The following MRTFB variants were observed in gnomAD, a reference collection of about 807,000 sequenced individuals.
MRTFB encodes the protein myocardin related transcription factor B.
MRTFB carries 29 observed loss-of-function variants against 104.2 expected under a neutral mutation model. The ratio of observed to expected loss-of-function variants is 0.28; its 90% CI spans 0.21 to 0.38. The LOEUF (loss-of-function observed/expected upper bound fraction) is 0.38, where lower values mean the gene tolerates loss of function less well. MRTFB is among the 10% of genes least tolerant of loss of function. The pLI, the probability that MRTFB is intolerant of heterozygous loss-of-function variation, is 1.00. For synonymous variants in MRTFB, 535 were observed against 519.5 expected, an observed-to-expected ratio of 1.03 and a Z score of -0.41; for missense variants, 1,270 against 1,341.6, an observed-to-expected ratio of 0.95 and a Z score of 0.83.
chr16:14,242,074 C>T (rs1370488492), intron 10 of MRTFB, among the ~76,000 whole-genome samples: 1 of 151,992 alleles, frequency 6.6e-6, no homozygotes, highest in East Asian at 1.9e-4. Flanking sequence ...GCATCATCCT[C>T]ATCCTCGCCT....
chr16:14,116,864 C>G (rs1286315060), intron 2 of MRTFB, among the ~76,000 whole-genome samples: 1 of 152,078 alleles, frequency 6.6e-6, no homozygotes, highest in Non-Finnish European at 1.5e-5. Flanking sequence ...AAGGAAGACT[C>G]TTTGAGGAAG....
chr16:14,227,873 A>G (rs1346384942), intron 8 of MRTFB, among the ~76,000 whole-genome samples: 1 of 152,048 alleles, frequency 6.6e-6, no homozygotes, highest in Non-Finnish European at 1.5e-5. Context: ...GTACAAAAAG[A>G]ACTCCCACAA....
At chr16:14,186,905 G>A in intron 3 of MRTFB, 3 of 1,598,140 alleles carry the variant, frequency 1.9e-6, no homozygotes, top group South Asian at 1.1e-5. Flanking sequence ...GTCTTCAGAA[G>A]CCTCTCACCA....
chr16:14,071,649 T>C (rs541035478), intron 1 of MRTFB, among the ~76,000 whole-genome samples: 391 of 152,100 alleles, frequency 2.6e-3, no homozygotes, highest in African/African-American at 8.7e-3. Context: ...GAGTTGGCCC[T>C]GCTGACAGTG....
At chr16:14,143,125 C>G (rs1186717357) in intron 3 of MRTFB, 2 of 144,364 alleles carry the variant, frequency 1.4e-5, no homozygotes, top group Admixed American at 7.0e-5. Flanking sequence ...GTTACAGCAG[C>G]TTTGTAACAT....
At chr16:14,085,457 C>CAAAA (rs386384321) in intron 2 of MRTFB, among the ~76,000 whole-genome samples, 2 of 61,852 alleles carry the variant, frequency 3.2e-5, no homozygotes, top group African/African-American at 1.0e-4. Flanking sequence ...AATTCCATCT[C>CAAAA]AAAAAAAAAA....
rs771612885 is a variant in MRTFB, at chr16:14,247,042, C to T, written c.1782C>T (p.Leu594=). 1.8e-5 allele frequency: 29 copies of T among 1,614,062 alleles called. 1 individual carries two copies. The East Asian group carries it at 3.6e-4, about 20-fold the overall frequency. Residue 594 remains leucine, a synonymous_variant, in exon 12 of 17, where the codon CTC becomes CTT. Coordinates refer to ENST00000571589, the MANE Select transcript of MRTFB (RefSeq NM_001308142.2). ...LKRKLEQEQK[L]VEVLKMQLEV... is the part of the protein sequence containing the mutation. ...GGAAACTGGAACAAGAGCAGAAGCTCGTGGAAGTGCTGAAAATGCAACTTG... is the reference window on the plus strand; with the variant it reads ...GGAAACTGGAACAAGAGCAGAAGCTTGTGGAAGTGCTGAAAATGCAACTTG...
At chr16:14,184,020 A>T (rs1274681190) in intron 3 of MRTFB, among the ~76,000 whole-genome samples, 1 of 149,354 alleles carries the variant, frequency 6.7e-6, no homozygotes, top group Non-Finnish European at 1.5e-5. Context: ...TAGGATTGTG[A>T]CCTAAAAACA....
At chr16:13,997,591 TCAA>T in the MRTFB span, among the ~76,000 whole-genome samples, 4 of 151,208 alleles carry the variant, frequency 2.6e-5, no homozygotes, top group South Asian at 6.3e-4. Context: ...GCCCAGGGGT[TCAA>T]ACCAGCCTGG....
At chr16:14,158,033 A>G (rs1197113806) in intron 3 of MRTFB, among the ~76,000 whole-genome samples, 1 of 152,202 alleles carries the variant, frequency 6.6e-6, no homozygotes, top group East Asian at 1.9e-4. Context: ...TTTAAGCTAT[A>G]TGGTTTTTAT....
At position 14,263,015 on chromosome 16, in the gene MRTFB, T is replaced by TAAA. The variant is rs1223351883; in HGVS notation, c.*1571_*1572insAAA. ...GTGTTTTGCCTAAGAGCTGATCTTA[T>TAAA]TTCTGATTTGTGTGTGTGTGGTTTA... On this transcript the variant is annotated 3_prime_UTR_variant, in exon 17 of 17. Coordinates refer to ENST00000571589, the MANE Select transcript of MRTFB (RefSeq NM_001308142.2). The TAAA allele has an allele frequency of 6.6e-6, 1 of 152,560 alleles. No homozygotes were observed. Among genetic ancestry groups the TAAA allele is most frequent in the Non-Finnish European group, 1.5e-5 (1 of 68,040 alleles). 9.5% of individuals were successfully genotyped at this position (152,560 alleles called of 1,614,324 possible). A position where few individuals can be genotyped will look rare whatever the true frequency, so the allele number is the denominator to read the frequency against.
At chr16:14,170,091 C>T (rs1348066071) in intron 3 of MRTFB, 5 of 152,086 alleles carry the variant, frequency 3.3e-5, no homozygotes, top group Non-Finnish European at 7.4e-5. Context: ...TAATTGGAGA[C>T]TGTACTGATC....
chr16:14,236,162 GCC>G (rs2042495501), intron 9 of MRTFB, among the ~76,000 whole-genome samples: 1 of 148,234 alleles, frequency 6.7e-6, no homozygotes, highest in African/African-American at 2.6e-5. Flanking sequence ...GCCTACTCCA[GCC>G]TGGGTGACAG....
chr16:14,257,580 C>CGGATGAGG (rs145616425), intron 15 of MRTFB, among the ~76,000 whole-genome samples: 2,165 of 151,594 alleles, frequency 0.014, 21 homozygotes, highest in Admixed American at 0.02. Flanking sequence ...GGGTTGCCTA[C>CGGATGAGG]GGATGAGGGG....
chr16:14,200,621 C>T, intron 3 of MRTFB: 1 of 1,585,426 alleles, frequency 6.3e-7, no homozygotes, highest in South Asian at 1.1e-5. Context: ...AATGGTTGGC[C>T]TACGTTGGTG....
At chr16:14,208,964 C>G (rs1216837651) in intron 3 of MRTFB, among the ~76,000 whole-genome samples, 2 of 152,116 alleles carry the variant, frequency 1.3e-5, no homozygotes, top group African/African-American at 4.8e-5. Context: ...CCTGTGGCCC[C>G]AAACCAAACA....
chr16:14,076,508 T>C (rs895539391), intron 1 of MRTFB, among the ~76,000 whole-genome samples: 1 of 152,232 alleles, frequency 6.6e-6, no homozygotes, highest in South Asian at 2.1e-4. Flanking sequence ...AAAACATTTT[T>C]CTAAACAACT....
Position 14,246,511 on chromosome 16 carries a change from G to A in MRTFB, c.1251G>A (p.Leu417=), listed in dbSNP as rs775503718. Residue 417 remains leucine, a synonymous_variant, in exon 12 of 17, where the codon CTG becomes CTA. Coordinates refer to ENST00000571589, the MANE Select transcript of MRTFB (RefSeq NM_001308142.2). ...AGACAGAACTGAAGTTAAGGGGTCT[G>A]CCAGTGTCAGGCACCAAACCGGACC... is the stretch of plus-strand genomic sequence containing the variant. ...ELKTELKLRG[L]PVSGTKPDLI... is the part of the protein sequence containing the mutation. 1.9e-6 allele frequency: 3 copies of A among 1,614,066 alleles called. No individual in the cohort carries two copies. The highest frequency in any genetic ancestry group is 2.2e-5 in the East Asian group (1 of 44,894).
At position 14,240,419 on chromosome 16, in the gene MRTFB, A is replaced by G. The variant is rs1428374325; in HGVS notation, c.1014A>G (p.Gln338=). The G allele has an allele frequency of 6.8e-6, 11 of 1,614,140 alleles. No homozygotes were observed. The highest frequency in any genetic ancestry group is 9.3e-6 in the Non-Finnish European group (11 of 1,179,934). Reference sequence around the variant, plus strand: ...TCCAGCAGCAGCAGCTGTTCCTGCAACTGCAGATCCTGAGTCAGCAGAAGC... The same window carrying G: ...TCCAGCAGCAGCAGCTGTTCCTGCAGCTGCAGATCCTGAGTCAGCAGAAGC... ...RLLQQQQLFL[Q]LQILSQQKQH... is the part of the protein sequence containing the mutation. The change falls in exon 10 of 17, where the codon CAA becomes CAG. Residue 338 remains glutamine (Q), a synonymous_variant. Coordinates refer to ENST00000571589, the MANE Select transcript of MRTFB (RefSeq NM_001308142.2).
Sources: allele counts gnomAD v4.1 joint callset (sites outside exome capture counted in the v4.1 genomes callset), GRCh38; gene constraint gnomAD v4.1.1; transcripts MANE v1.5; gene names NCBI Gene and HGNC (gene_info 2026-07-23, HGNC 2026-07-21).